GLE1: variants seen among roughly 807,000 people sequenced by gnomAD.
GLE1 encodes the protein GLE1 RNA export mediator.
Under a neutral mutation model 97.3 loss-of-function variants are expected in GLE1, and 78 were observed. That is an observed-to-expected ratio of 0.80 (90% confidence interval 0.67 to 0.97). The LOEUF (loss-of-function observed/expected upper bound fraction) is 0.97, where lower values mean the gene tolerates loss of function less well. Ranked by LOEUF, GLE1 falls within the 50% of genes least tolerant of loss-of-function variation. The pLI, the probability that GLE1 is intolerant of heterozygous loss-of-function variation, is 0.00. For missense variants in GLE1, 753 were observed against 857.5 expected, an observed-to-expected ratio of 0.88 and a Z score of 1.52; for synonymous variants, 302 against 313.4, an observed-to-expected ratio of 0.96 and a Z score of 0.39.
In GLE1 at chr9:128,508,090, G is replaced by A. The variant is rs570742320; in HGVS notation, c.100-786G>A. ...AGCTACTCAGGAGGCTGAGGCAGGA[G>A]AATCACTTGAACCTGGGAGGTGGAG... On this transcript the variant is annotated intron_variant, in intron 1 of 15. Transcript: ENST00000309971. 3.8e-3 allele frequency among the ~76,000 whole-genome samples: 572 copies of A among 149,256 alleles called. 2 individuals carry two copies. The highest frequency in any genetic ancestry group is 0.014 in the African/African-American group (552 of 40,414).
intron 13 of GLE1, among the ~76,000 whole-genome samples, chr9:128,539,204 A>T (rs144526543): frequency 1.8e-4 from 28 of 152,274 alleles, no homozygotes; most frequent in African/African-American, 6.7e-4. Flanking sequence ...AGTGTCCTCT[A>T]GCCTGGGCGA....
chr9:128,504,894 T>C lies in GLE1; in HGVS notation c.89T>C (p.Leu30Pro). ...GRLCYYRDWL[L>P]RREDVLEECM... The stretch of plus-strand genomic sequence containing the variant: ...CTTTGCTACTACCGCGACTGGCTGC[T>C]GCGGCGCGAGGTGAGCGGTGGCCCC... Residue 30 changes from leucine to proline, a missense_variant, in exon 1 of 16, where the codon CTG (leucine) becomes CCG (proline). Physicochemically the swap from Leu to Pro is moderately conservative, Grantham distance 98. Coordinates refer to ENST00000309971, the MANE Select transcript of GLE1 (RefSeq NM_001003722.2). The C allele has an allele frequency of 6.2e-7, 1 of 1,608,726 alleles. No homozygotes were observed. The highest frequency in any genetic ancestry group is 8.5e-7 in the Non-Finnish European group (1 of 1,175,190).
At chr9:128,524,857 C>G (rs1847257632) in intron 6 of GLE1, among the ~76,000 whole-genome samples, 1 of 151,982 alleles carries the variant, frequency 6.6e-6, no homozygotes, top group African/African-American at 2.4e-5. Context: ...TGCCACTGCA[C>G]TCCAACCTGG....
intron 3 of GLE1, among the ~76,000 whole-genome samples, chr9:128,517,787 A>G (rs1847029949): frequency 2.0e-5 from 3 of 152,140 alleles, no homozygotes; most frequent in East Asian, 3.9e-4. Flanking sequence ...TATTATGTCT[A>G]ATTTTCATGA....
At chr9:128,527,106 A>AT in intron 7 of GLE1, 73 bp from the exon 8 acceptor site, 1 of 807,272 alleles carries the variant, frequency 1.2e-6, no homozygotes, top group Non-Finnish European at 2.2e-6. Context: ...TAAAGTGATT[A>AT]TAACAGTGCC....
chr9:128,510,831 T>C (rs1365927328), intron 2 of GLE1, among the ~76,000 whole-genome samples: 2 of 126,312 alleles, frequency 1.6e-5, no homozygotes, highest in Non-Finnish European at 3.2e-5. Context: ...GCCTGGCCAG[T>C]TTTTTTTTTT....
chr9:128,517,160 C>T (rs1847013322), intron 3 of GLE1, among the ~76,000 whole-genome samples: 1 of 151,808 alleles, frequency 6.6e-6, no homozygotes, highest in South Asian at 2.1e-4. Context: ...CATGGTGGCA[C>T]ATGCCTATAA....
At chr9:128,518,769 G>A (rs1847056540) in intron 3 of GLE1, among the ~76,000 whole-genome samples, 1 of 151,634 alleles carries the variant, frequency 6.6e-6, no homozygotes, top group Non-Finnish European at 1.5e-5. Flanking sequence ...TTGGGAGGCT[G>A]AGGGAGGAGA....
chr9:128,538,563 G>A (rs928305369), intron 13 of GLE1, among the ~76,000 whole-genome samples: 11 of 152,086 alleles, frequency 7.2e-5, no homozygotes, highest in African/African-American at 1.9e-4. Flanking sequence ...TTGGGAGGCC[G>A]AGGTGGTTGG....
intron 6 of GLE1, among the ~76,000 whole-genome samples, chr9:128,524,933 ATATTG>A (rs1847259532): frequency 2.6e-5 from 4 of 152,076 alleles, no homozygotes; most frequent in Admixed American, 2.6e-4. Context: ...TTTGTCTAAC[ATATTG>A]TCACAAACTT....
chr9:128,516,262 C>T (rs944760949), intron 3 of GLE1, among the ~76,000 whole-genome samples: 3 of 150,446 alleles, frequency 2.0e-5, no homozygotes, highest in Non-Finnish European at 3.0e-5. Context: ...CCAGTCAGGA[C>T]CTTAGCCTCT....
At position 128,530,705 on chromosome 9, in the gene GLE1, C is replaced by G. The variant is rs1291350030; in HGVS notation, c.1313-2808C>G. ...CTGGCGGGTCACCAGGTCAGGAGAT[C>G]GAGACCATCCTGGCTAACACGGTGA... On this transcript the variant is annotated intron_variant, in intron 9 of 15. Coordinates refer to ENST00000309971, the MANE Select transcript of GLE1 (RefSeq NM_001003722.2). 2.6e-5 allele frequency among the ~76,000 whole-genome samples: 4 copies of G among 151,168 alleles called. No homozygotes were observed. In the South Asian group the frequency reaches 8.4e-4, roughly 32 times the overall value.
intron 3 of GLE1, among the ~76,000 whole-genome samples, chr9:128,522,070 A>G (rs1215705836): frequency 6.6e-6 from 1 of 152,142 alleles, no homozygotes; most frequent in Non-Finnish European, 1.5e-5. Context: ...ATTACCAATG[A>G]ACCCCATAAG....
chr9:128,533,382 A>C, intron 9 of GLE1, 131 bp from the exon 10 acceptor site: 1 of 717,198 alleles, frequency 1.4e-6, no homozygotes, highest in Non-Finnish European at 2.3e-6. Flanking sequence ...GTGAGCCAAG[A>C]TTGTGCCACT....
chr9:128,537,314 A>C (rs1276340547), intron 12 of GLE1, among the ~76,000 whole-genome samples: 1 of 151,778 alleles, frequency 6.6e-6, no homozygotes, highest in Admixed American at 6.6e-5. Context: ...TTAGCTGGGC[A>C]TGGTGGTGGG....
At position 128,540,246 on chromosome 9, in the gene GLE1, G is replaced by C. The variant is rs753594311; in HGVS notation, c.1965-29G>C. The C allele has an allele frequency of 8.2e-6, 12 of 1,471,664 alleles. No homozygotes were observed. In the Admixed American group the frequency reaches 1.8e-4, roughly 23 times the overall value. 91.2% of individuals were successfully genotyped at this position (1,471,664 alleles called of 1,614,324 possible). On this transcript the variant is annotated intron_variant, in intron 14 of 15. Transcript: ENST00000309971. ...CAAAAGATAGGTGTATATCATAGGTGTGATTCATGTGTCTTTCTCTCCCTG... is the reference window on the plus strand; with the variant it reads ...CAAAAGATAGGTGTATATCATAGGTCTGATTCATGTGTCTTTCTCTCCCTG...
chr9:128,511,796 G>T (rs1846832591), intron 2 of GLE1, among the ~76,000 whole-genome samples: 1 of 151,856 alleles, frequency 6.6e-6, no homozygotes, highest in South Asian at 2.1e-4. Flanking sequence ...AGAATCTAGG[G>T]CTGGGTGAAG....
chr9:128,513,356 T>C (rs1010186914), intron 2 of GLE1, among the ~76,000 whole-genome samples: 2 of 152,104 alleles, frequency 1.3e-5, no homozygotes, highest in Non-Finnish European at 2.9e-5. Context: ...CTGGTAGCCC[T>C]GGACTCAGCA....
chr9:128,524,697 T>C (rs909130721), intron 6 of GLE1, among the ~76,000 whole-genome samples: 1 of 151,086 alleles, frequency 6.6e-6, no homozygotes, highest in Non-Finnish European at 1.5e-5. Flanking sequence ...GACCAGTAGG[T>C]TTCAGCCAAC....
Sources: gnomAD v4.1 joint callset for allele counts (sites outside exome capture counted in the v4.1 genomes callset) on GRCh38, gnomAD v4.1.1 for gene constraint, MANE v1.5 for transcripts, NCBI Gene and HGNC (gene_info 2026-07-23, HGNC 2026-07-21) for gene names.